Variants in PCBP3 observed in about 807,000 individuals in gnomAD.
The protein encoded by PCBP3 is poly(rC) binding protein 3, also known as poly(rC)-binding protein 3.
In PCBP3, 25 loss-of-function variants were observed where a neutral mutation model predicts 52.7. The ratio of observed to expected loss-of-function variants is 0.47; its 90% CI spans 0.35 to 0.66. PCBP3 has a LOEUF of 0.66. PCBP3 is among the 30% of genes least tolerant of loss of function. The pLI is 0.01. For missense variants in PCBP3, 391 were observed against 490.3 expected (o/e 0.80, Z 1.91); for synonymous variants, 162 against 183.0 (o/e 0.89, Z 0.93).
At chr21:45,814,402 A>AAGTGGTGAGTG (rs1347461554) in intron 4 of PCBP3, among the ~76,000 whole-genome samples, 1 of 99,718 alleles carries the variant, frequency 1.0e-5, no homozygotes, top group African/African-American at 3.9e-5. Context: ...GATGAGTGGT[A>AAGTGGTGAGTG]AGTGGTGAGT....
intron 4 of PCBP3, among the ~76,000 whole-genome samples, chr21:45,774,268 G>A (rs1438494003): frequency 2.0e-5 from 3 of 151,770 alleles, no homozygotes; most frequent in Non-Finnish European, 1.5e-5. Flanking sequence ...TTAGCTGGGC[G>A]TGGTGGTGCG....
chr21:45,825,793 G>T (rs2093290593), intron 4 of PCBP3, among the ~76,000 whole-genome samples: 1 of 152,200 alleles, frequency 6.6e-6, no homozygotes, highest in African/African-American at 2.4e-5. Flanking sequence ...CCCAGCAGAG[G>T]TGGGGTTGGT....
At position 45,837,336 on chromosome 21, in the gene PCBP3, T is replaced by G. The variant is rs1339320289; in HGVS notation, c.-125-12625T>G. 6.6e-6 allele frequency among the ~76,000 whole-genome samples: 1 copy of G among 152,224 alleles called. No individual in the cohort carries two copies. The highest frequency in any genetic ancestry group is 1.9e-4 in the East Asian group (1 of 5,190). On this transcript the variant is annotated intron_variant, in intron 4 of 17. Coordinates refer to ENST00000681687, the MANE Select transcript of PCBP3 (RefSeq NM_001384156.1). The surrounding 1 kb of genome is among the most constrained non-coding windows in gnomAD (Gnocchi z 4.1). ...ACCCTCCCTTTAATCTGGGCAGGCA[T>G]GTGCCTCCAGCGGAAATGATGTTAT...
At chr21:45,863,147 A>C (rs1157619571) in intron 5 of PCBP3, among the ~76,000 whole-genome samples, 1 of 152,162 alleles carries the variant, frequency 6.6e-6, no homozygotes, top group African/African-American at 2.4e-5. Context: ...AAAGAAGAAA[A>C]CAGGGAAAGG....
intron 1 of PCBP3, among the ~76,000 whole-genome samples, chr21:45,658,664 C>T (rs1460322127): frequency 6.6e-6 from 1 of 152,098 alleles, no homozygotes; most frequent in African/African-American, 2.4e-5. Flanking sequence ...TTCTTGTGAT[C>T]TCTTTGTCTG....
chr21:45,690,704 TGA>T (rs923471668), intron 2 of PCBP3, among the ~76,000 whole-genome samples: 1 of 151,974 alleles, frequency 6.6e-6, no homozygotes, highest in African/African-American at 2.4e-5. Context: ...AATAAGCATA[TGA>T]AAAAGATGCT....
chr21:45,719,338 A>C (rs2084455364), intron 2 of PCBP3, among the ~76,000 whole-genome samples: 1 of 152,124 alleles, frequency 6.6e-6, no homozygotes, highest in Non-Finnish European at 1.5e-5. Flanking sequence ...GAGAGAGTTA[A>C]AAGAAGACAA....
Position 45,735,099 on chromosome 21 carries a change from G to A in PCBP3, c.-199-293G>A, listed in dbSNP as rs915904542. ...TTTGAGAATCAGCTGTGCCCCAGAC[G>A]TCAGTCAGGCCGAGGACTGTGGGTC... On this transcript the variant is annotated intron_variant, in intron 2 of 17. Coordinates refer to ENST00000681687, the MANE Select transcript of PCBP3 (RefSeq NM_001384156.1). The surrounding 1 kb of genome is among the most constrained non-coding windows in gnomAD (Gnocchi z 4.0). Among the ~76,000 whole-genome samples the A allele has an allele frequency of 2.0e-5, 3 of 152,212 alleles. No homozygotes were observed. The highest frequency in any genetic ancestry group is 7.2e-5 in the African/African-American group (3 of 41,464).
At chr21:45,661,235 T>A (rs1394143373) in intron 1 of PCBP3, among the ~76,000 whole-genome samples, 1 of 152,156 alleles carries the variant, frequency 6.6e-6, no homozygotes, top group African/African-American at 2.4e-5. Context: ...AAGTCTAGGC[T>A]TTTAGTATAA....
chr21:45,769,506 C>G (rs1374942537), intron 4 of PCBP3, among the ~76,000 whole-genome samples: 1 of 152,384 alleles, frequency 6.6e-6, no homozygotes, highest in East Asian at 1.9e-4. Context: ...AATGGGCGGC[C>G]CCTACTGTGC....
chr21:45,676,223 A>C (rs1480860059), intron 2 of PCBP3, among the ~76,000 whole-genome samples: 1 of 152,220 alleles, frequency 6.6e-6, no homozygotes, highest in Non-Finnish European at 1.5e-5. Flanking sequence ...CTGTTACTTC[A>C]AAGGAATTAA....
intron 4 of PCBP3, among the ~76,000 whole-genome samples, chr21:45,765,536 C>T (rs935788482): frequency 6.6e-5 from 10 of 152,214 alleles, no homozygotes; most frequent in East Asian, 5.8e-4. Flanking sequence ...CCCCAGGGTG[C>T]GCGCTGCCCC....
intron 4 of PCBP3, among the ~76,000 whole-genome samples, chr21:45,812,562 C>T (rs140789708): frequency 1.7e-4 from 26 of 152,278 alleles, no homozygotes; most frequent in African/African-American, 4.6e-4. Flanking sequence ...CCAACACACC[C>T]GGCTAATTTT....
chr21:45,917,682 C>T lies in PCBP3; in HGVS notation c.717+53C>T. 7.4e-7 allele frequency: 1 copy of T among 1,352,076 alleles called. No individual in the cohort carries two copies. The highest frequency in any genetic ancestry group is 2.3e-5 in the East Asian group (1 of 43,692). 83.8% of individuals were successfully genotyped at this position (1,352,076 alleles called of 1,614,324 possible). On this transcript the variant is annotated intron_variant, in intron 13 of 17. Transcript: ENST00000681687. This position sits in a 1 kb window ranked among gnomAD's most constrained non-coding sequence, Gnocchi z 5.3. ...CCTTTCTCTTCTCATGGTTGTTTAC[C>T]TACCTGCATGCTGCTGTTAATTGCT...
intron 2 of PCBP3, among the ~76,000 whole-genome samples, chr21:45,707,190 C>T (rs2148071846): frequency 6.6e-6 from 1 of 152,212 alleles, no homozygotes; most frequent in African/African-American, 2.4e-5. Flanking sequence ...GCTTCTGAAA[C>T]TTTAGCGTGC....
chr21:45,653,775 T>C (rs965793575), intron 1 of PCBP3, among the ~76,000 whole-genome samples: 2 of 152,206 alleles, frequency 1.3e-5, no homozygotes, highest in Admixed American at 1.3e-4. Context: ...TGTATTTGTC[T>C]TGTCCTACAT....
chr21:45,711,327 A>G (rs928781009), intron 2 of PCBP3, among the ~76,000 whole-genome samples: 2 of 152,214 alleles, frequency 1.3e-5, no homozygotes, highest in Non-Finnish European at 2.9e-5. Context: ...ACCTGTGTGT[A>G]TATACATCTA....
At chr21:45,726,634 T>C (rs1402622813) in intron 2 of PCBP3, among the ~76,000 whole-genome samples, 1 of 152,196 alleles carries the variant, frequency 6.6e-6, no homozygotes, top group Non-Finnish European at 1.5e-5. Flanking sequence ...AGTGCCAACC[T>C]TCCCTGATGT....
intron 4 of PCBP3, among the ~76,000 whole-genome samples, chr21:45,844,855 T>G (rs1389079981): frequency 6.8e-6 from 1 of 147,026 alleles, no homozygotes; most frequent in Non-Finnish European, 1.5e-5. Context: ...TATAAAGTTA[T>G]AACTTTATAT....
Sources: gnomAD v4.1 joint callset for allele counts (sites outside exome capture counted in the v4.1 genomes callset) on GRCh38, gnomAD v4.1.1 for gene constraint, Gnocchi (gnomAD v3.1) non-coding constraint, MANE v1.5 for transcripts, NCBI Gene and HGNC (gene_info 2026-07-23, HGNC 2026-07-21) for gene names.